CORO2B: variants seen among roughly 807,000 people sequenced by gnomAD.
CORO2B encodes the protein coronin 2B, also known as coronin-2B.
A neutral mutation model predicts 58.8 loss-of-function variants in CORO2B; 26 were observed. The observed-to-expected ratio is 0.44, with a 90% CI of 0.32 to 0.61. The LOEUF is 0.61. CORO2B is among the 20% of genes least tolerant of loss of function. The pLI, the probability that CORO2B is intolerant of heterozygous loss-of-function variation, is 0.04. For synonymous variants in CORO2B, 242 were observed against 253.8 expected, an observed-to-expected ratio of 0.95 and a Z score of 0.44; for missense variants, 460 against 645.1, an observed-to-expected ratio of 0.71 and a Z score of 3.11.
In CORO2B at chr15:68,714,640, C is replaced by T; in HGVS notation, c.847C>T (p.His283Tyr). The part of the protein sequence containing the change: ...LLFPFYDADT[H>Y]MLYLAGKGDG... ...GTTCCCCTTCTATGATGCTGACACC[C>T]ACATGCTCTACCTGGCTGGAAAGGT... Residue 283 changes from histidine to tyrosine, a missense_variant, in exon 7 of 12, where the codon CAC becomes TAC. By Grantham distance (83) the His-to-Tyr change is moderately conservative. Transcript: ENST00000261861. 1.2e-6 allele frequency: 2 copies of T among 1,614,068 alleles called. No individual in the cohort carries two copies. The highest frequency in any genetic ancestry group is 1.7e-6 in the Non-Finnish European group (2 of 1,179,972).
chr15:68,645,078 G>A lies in CORO2B; in HGVS notation c.16-82G>A, dbSNP rs552691833. On this transcript the variant is annotated intron_variant, in intron 1 of 11. Transcript: ENST00000261861. This position sits in a 1 kb window ranked among gnomAD's most constrained non-coding sequence, Gnocchi z 4.5. ...TCACCTGCTGCACCTCTGAGCCGCA[G>A]CTTCCCTCCCCCAAGAGCCCAGCCG... The A allele has an allele frequency of 9.0e-6, 13 of 1,451,068 alleles. No homozygotes were observed. The African/African-American group carries it at 1.7e-4, about 19-fold the overall frequency. 89.9% of individuals were successfully genotyped at this position (1,451,068 alleles called of 1,614,324 possible).
intron 11 of CORO2B, among the ~76,000 whole-genome samples, chr15:68,720,463 G>T (rs1355863999): frequency 7.2e-5 from 11 of 152,274 alleles, no homozygotes. Flanking sequence ...TTCTTTGCAT[G>T]CCCGTGGCTG....
At chr15:68,519,218 A>G in the CORO2B span, among the ~76,000 whole-genome samples, 3 of 152,226 alleles carry the variant, frequency 2.0e-5, no homozygotes, top group Non-Finnish European at 4.4e-5. Context: ...CAGGACAGAC[A>G]AGGGCTAAGG....
the CORO2B span, among the ~76,000 whole-genome samples, chr15:68,551,068 C>T: frequency 1.8e-4 from 27 of 152,250 alleles, 1 homozygote; most frequent in African/African-American, 6.5e-4. Context: ...GTTCCTGACT[C>T]TCTGGGGGGA....
chr15:68,658,180 C>T (rs1241187543), intron 2 of CORO2B, among the ~76,000 whole-genome samples: 1 of 152,252 alleles, frequency 6.6e-6, no homozygotes, highest in Non-Finnish European at 1.5e-5. Context: ...CTCTGACATT[C>T]TGAAACTCTG....
chr15:68,646,171 G>GCAGC lies in CORO2B; in HGVS notation c.216+812_216+815dup, dbSNP rs777528962. ...CCTATCTAAAGATTTTCCCCTTTCT[G>GCAGC]CAGCTGCTTACGTGAATATAACAGA... is the stretch of plus-strand genomic sequence containing the variant. On this transcript the variant is annotated intron_variant, in intron 2 of 11. Coordinates refer to ENST00000261861, the MANE Select transcript of CORO2B (RefSeq NM_006091.5). 3.9e-5 allele frequency among the ~76,000 whole-genome samples: 6 copies of GCAGC among 151,904 alleles called. 1 individual carries two copies. The highest frequency in any genetic ancestry group is 2.6e-4 in the Admixed American group (4 of 15,254).
In CORO2B at chr15:68,704,039, TACACACACACACAC is replaced by T. The variant is rs10566834; in HGVS notation, c.334-6665_334-6652del. Reference sequence around the variant, plus strand: ...CAAAAACCCTTTCTCTACACACACATACACACACACACACACACACACACACACACACACACACA... The same window carrying T: ...CAAAAACCCTTTCTCTACACACACATACACACACACACACACACACACACA... On this transcript the variant is annotated intron_variant, in intron 3 of 11. Transcript: ENST00000261861. Among the ~76,000 whole-genome samples, 161 of 128,154 alleles carry T rather than the reference TACACACACACACAC, an allele frequency of 1.3e-3. 1 individual carries two copies. The highest frequency in any genetic ancestry group is 4.0e-3 in the African/African-American group (144 of 35,672). 84.1% of individuals were successfully genotyped at this position (128,154 alleles called of 152,430 possible).
chr15:68,677,092 C>T (rs1483698995), intron 2 of CORO2B, among the ~76,000 whole-genome samples: 1 of 152,132 alleles, frequency 6.6e-6, no homozygotes, highest in Non-Finnish European at 1.5e-5. Flanking sequence ...GTTTTTGCAG[C>T]ACTTTCGGGA....
Position 68,609,572 on chromosome 15 carries a change from T to C in CORO2B, c.15+30295T>C, listed in dbSNP as rs116857188. On this transcript the variant is annotated intron_variant, in intron 1 of 11. Transcript: ENST00000261861. ...CCTTCCCTCCCGAATCCACATCTCTTTTGGAGTTGGGGGAGTAAATGGGGT... is the reference window on the plus strand; with the variant it reads ...CCTTCCCTCCCGAATCCACATCTCTCTTGGAGTTGGGGGAGTAAATGGGGT... 1.1e-4 allele frequency among the ~76,000 whole-genome samples: 16 copies of C among 152,222 alleles called. No individual in the cohort carries two copies. In the East Asian group the frequency reaches 3.1e-3, roughly 29 times the overall value.
intron 1 of CORO2B, among the ~76,000 whole-genome samples, chr15:68,590,270 G>A (rs1353941182): frequency 6.7e-6 from 1 of 148,600 alleles, no homozygotes; most frequent in African/African-American, 2.5e-5. Flanking sequence ...CAGAGTGTAG[G>A]AGCAGCCTGG....
intron 1 of CORO2B, among the ~76,000 whole-genome samples, chr15:68,617,906 C>T (rs1015010302): frequency 6.6e-6 from 1 of 152,126 alleles, no homozygotes; most frequent in Non-Finnish European, 1.5e-5. Flanking sequence ...TACTGGAATG[C>T]CCTAGTAACA....
At chr15:68,663,871 T>A (rs1170270249) in intron 2 of CORO2B, among the ~76,000 whole-genome samples, 1 of 152,254 alleles carries the variant, frequency 6.6e-6, no homozygotes, top group African/African-American at 2.4e-5. Context: ...CTTTATGTGT[T>A]AAGACCTACT....
intron 2 of CORO2B, among the ~76,000 whole-genome samples, chr15:68,662,006 C>CAATAAATAAATA (rs201951631): frequency 3.2e-4 from 48 of 151,084 alleles, no homozygotes; most frequent in African/African-American, 1.2e-3. Flanking sequence ...GACCCTGTCT[C>CAATAAATAAATA]AATAAATAAA....
chr15:68,532,485 T>C, the CORO2B span, among the ~76,000 whole-genome samples: 1 of 152,098 alleles, frequency 6.6e-6, no homozygotes, highest in Non-Finnish European at 1.5e-5. Context: ...TAATTTTAGG[T>C]TCTTTTTTAT....
chr15:68,624,321 A>G (rs1379526525), intron 1 of CORO2B, among the ~76,000 whole-genome samples: 1 of 152,176 alleles, frequency 6.6e-6, no homozygotes, highest in Admixed American at 6.5e-5. Flanking sequence ...TTGAGGCTGC[A>G]GTAAGCTATG....
upstream of CORO2B, among the ~76,000 whole-genome samples, chr15:68,574,830 G>C (rs1269452859): frequency 6.6e-6 from 1 of 152,204 alleles, no homozygotes; most frequent in Non-Finnish European, 1.5e-5. Flanking sequence ...GCTGACACTT[G>C]AGCTGGGCTT....
the CORO2B span, among the ~76,000 whole-genome samples, chr15:68,539,066 T>G: frequency 6.6e-6 from 1 of 152,238 alleles, no homozygotes. Flanking sequence ...TTAAGCTATT[T>G]AATGCCCACA....
intron 2 of CORO2B, among the ~76,000 whole-genome samples, chr15:68,674,574 A>G (rs1902511995): frequency 6.6e-6 from 1 of 152,178 alleles, no homozygotes; most frequent in South Asian, 2.1e-4. Context: ...GGTGACCTCA[A>G]GCAAGTGCCC....
the CORO2B span, among the ~76,000 whole-genome samples, chr15:68,569,895 C>T: frequency 2.0e-5 from 3 of 152,182 alleles, no homozygotes; most frequent in Non-Finnish European, 4.4e-5. Context: ...CAGAATTGCC[C>T]TCCCACTCCA....
Sources: allele counts gnomAD v4.1 joint callset (sites outside exome capture counted in the v4.1 genomes callset), GRCh38; gene constraint gnomAD v4.1.1; non-coding constraint Gnocchi (gnomAD v3.1); transcripts MANE v1.5; gene names NCBI Gene and HGNC (gene_info 2026-07-23, HGNC 2026-07-21).